Variants in MPZL2 observed in about 807,000 individuals in gnomAD.
MPZL2 encodes the protein myelin protein zero-like protein 2.
Under a neutral mutation model 24.5 loss-of-function variants are expected in MPZL2, and 32 were observed. The observed-to-expected ratio is 1.31, with a 90% CI of 0.99 to 1.76. The LOEUF is 1.76. Ranked by LOEUF, MPZL2 falls within the 40% of genes most tolerant of loss-of-function variation. The pLI is 0.00. For synonymous variants in MPZL2, 92 were observed against 97.9 expected (o/e 0.94, Z 0.36); for missense variants, 304 against 274.9 (o/e 1.11, Z -0.75).
In MPZL2 at chr11:118,262,991, C is replaced by T. The variant is rs1232492150; in HGVS notation, c.165G>A (p.Val55=). The change falls in exon 2 of 6, where the codon GTG becomes GTA. Residue 55 remains valine, a synonymous_variant. Coordinates refer to ENST00000278937, the MANE Select transcript of MPZL2 (RefSeq NM_005797.4). ...LKCTFSSFAP[V]GDALTVTWNF... is the part of the protein sequence containing the mutation. ...TCCAGGTCACTGTTAGAGCATCACC[C>T]ACAGGGGCAAAGCTGGAGAAAGTGC... The T allele has an allele frequency of 3.1e-6, 5 of 1,614,202 alleles. No homozygotes were observed.
In MPZL2 at chr11:118,264,244, C is replaced by G. The variant is rs1949723788; in HGVS notation, c.-91G>C. The G allele has an allele frequency of 7.9e-7, 1 of 1,260,736 alleles. No homozygotes were observed. The highest frequency in any genetic ancestry group is 1.2e-6 in the Non-Finnish European group (1 of 864,192). The allele number at this position is 1,260,736 out of a possible 1,614,324, so 78.1% of individuals were successfully genotyped here. Reference sequence around the variant, plus strand: ...AGGCCACTCCGGGAGGAGCAAGCACCGCGTTTTCCCAGAGAGAGGAGTTTG... The same window carrying G: ...AGGCCACTCCGGGAGGAGCAAGCACGGCGTTTTCCCAGAGAGAGGAGTTTG... On this transcript the variant is annotated 5_prime_UTR_variant, in exon 1 of 6. Coordinates refer to ENST00000278937, the MANE Select transcript of MPZL2 (RefSeq NM_005797.4).
rs910664401 is a variant in MPZL2, at chr11:118,254,446, A to G, written c.*800T>C. 6.6e-6 allele frequency: 1 copy of G among 152,068 alleles called. No individual in the cohort carries two copies. Among genetic ancestry groups the G allele is most frequent in the East Asian group, 1.9e-4 (1 of 5,196 alleles). The allele number at this position is 152,068 out of a possible 1,614,324, so 9.4% of individuals were successfully genotyped here. On this transcript the variant is annotated 3_prime_UTR_variant, in exon 6 of 6. Transcript: ENST00000278937. ...GTTATAGATCATTGAATTGGGGGGG[A>G]AACATAGTAAGCTAAACTATCCGTC...
At chr11:118,259,451 A>C (rs1949684074) in intron 4 of MPZL2, 1 of 152,296 alleles carries the variant, frequency 6.6e-6, no homozygotes, top group South Asian at 2.1e-4. Flanking sequence ...TGAAATGTCC[A>C]GAATAAGCAA....
At position 118,262,604 on chromosome 11, in the gene MPZL2, C is replaced by G; in HGVS notation, c.270G>C (p.Arg90=). 1 of 1,614,122 alleles carries G rather than the reference C, an allele frequency of 6.2e-7. No homozygotes were observed. Among genetic ancestry groups the G allele is most frequent in the Non-Finnish European group, 8.5e-7 (1 of 1,180,030 alleles). Residue 90 remains arginine (R), a synonymous_variant, in exon 3 of 6, where the codon CGG becomes CGC. Coordinates refer to ENST00000278937, the MANE Select transcript of MPZL2 (RefSeq NM_005797.4). ...CATCCCAAGACACCCGGTCCTTAAACCGCCCACTCATGGGTTGGAAGGGAT... is the reference window on the plus strand; with the variant it reads ...CATCCCAAGACACCCGGTCCTTAAAGCGCCCACTCATGGGTTGGAAGGGAT... ...HIDPFQPMSG[R]FKDRVSWDGN... is the part of the protein sequence containing the mutation.
At position 118,262,430 on chromosome 11, in the gene MPZL2, T is replaced by A; in HGVS notation, c.436+8A>T. 6.2e-7 allele frequency: 1 copy of A among 1,613,264 alleles called. No homozygotes were observed. Among genetic ancestry groups the A allele is most frequent in the Non-Finnish European group, 8.5e-7 (1 of 1,179,820 alleles). ...CTTTCCAAAACCACTGTTCCCTGCATAACCTACCAGTGTGCACGACGCTGA... is the reference window on the plus strand; with the variant it reads ...CTTTCCAAAACCACTGTTCCCTGCAAAACCTACCAGTGTGCACGACGCTGA... On this transcript the variant is annotated splice_region_variant and intron_variant, in intron 3 of 5. Transcript: ENST00000278937.
At chr11:118,261,504 A>G (rs1341482453) in intron 3 of MPZL2, among the ~76,000 whole-genome samples, 1 of 152,254 alleles carries the variant, frequency 6.6e-6, no homozygotes, top group East Asian at 1.9e-4. Flanking sequence ...GTACAAAATA[A>G]ACACTCAATG....
rs1949706408 is a variant in MPZL2 at position 118,262,467 on chromosome 11, C to G, written c.407G>C (p.Gly136Ala). 1 of 1,614,014 alleles carries G rather than the reference C, an allele frequency of 6.2e-7. No homozygotes were observed. Among genetic ancestry groups the G allele is most frequent in the Non-Finnish European group, 8.5e-7 (1 of 1,180,024 alleles). ...KNPPDVDGVI[G>A]EIRLSVVHTV... ...GTGCACGACGCTGAGCCGGATCTCCCCTATCACCCCATCAACATCAGGTGG... is the reference window on the plus strand; with the variant it reads ...GTGCACGACGCTGAGCCGGATCTCCGCTATCACCCCATCAACATCAGGTGG... The change falls in exon 3 of 6, where the codon GGG becomes GCG. Residue 136 changes from glycine to alanine, a missense_variant. By Grantham distance (60) the Gly-to-Ala change is moderately conservative. Coordinates refer to ENST00000278937, the MANE Select transcript of MPZL2 (RefSeq NM_005797.4).
In MPZL2 at chr11:118,257,277, G is replaced by C. The variant is rs756745140; in HGVS notation, c.621C>G (p.Val207=). ...EEERLNQEKK[V]SVYLEDTD is the part of the protein sequence containing the mutation. ...AGTCTGTGTCTTCTAAATAAACAGA[G>C]ACCTTTTTCTCTTGGTTGAGCCTTT... Residue 207 remains valine (V), a synonymous_variant, in exon 5 of 6, where the codon GTC becomes GTG. Transcript: ENST00000278937. 3 of 1,611,702 alleles carry C rather than the reference G, an allele frequency of 1.9e-6. No homozygotes were observed. The highest frequency in any genetic ancestry group is 1.3e-5 in the African/African-American group (1 of 74,850).
intron 4 of MPZL2, chr11:118,257,545 T>C (rs1209441479): frequency 7.9e-6 from 3 of 380,190 alleles, no homozygotes; most frequent in African/African-American, 6.2e-5. Flanking sequence ...TGGGTTCTGA[T>C]TCGGGAACTC....
In MPZL2 at chr11:118,264,279, C is replaced by T; in HGVS notation, c.-126G>A. 2.3e-6 allele frequency: 2 copies of T among 858,156 alleles called. No individual in the cohort carries two copies. Among genetic ancestry groups the T allele is most frequent in the South Asian group, 2.8e-5 (2 of 70,890 alleles). 53.2% of individuals were successfully genotyped at this position (858,156 alleles called of 1,614,324 possible). A position where few individuals can be genotyped will look rare whatever the true frequency, so the allele number is the denominator to read the frequency against. ...CAGAGAGAGGAGTTTGAGTTGAGTT[C>T]CTCACCTGTGCCTGTGACTCAGCCC... On this transcript the variant is annotated 5_prime_UTR_variant, in exon 1 of 6. Transcript: ENST00000278937.
chr11:118,259,417 A>G (rs1565500100), intron 4 of MPZL2: 2 of 152,254 alleles, frequency 1.3e-5, no homozygotes, highest in African/African-American at 2.4e-5. Flanking sequence ...ATAAAAGACC[A>G]CATATTGTAT....
At chr11:118,257,894 C>A (rs1949672249) in intron 4 of MPZL2, among the ~76,000 whole-genome samples, 1 of 152,018 alleles carries the variant, frequency 6.6e-6, no homozygotes, top group African/African-American at 2.4e-5. Flanking sequence ...CCTGTAATCC[C>A]AGCTACTTGG....
chr11:118,254,448 A>G lies in MPZL2; in HGVS notation c.*798T>C, dbSNP rs567333930. On this transcript the variant is annotated 3_prime_UTR_variant, in exon 6 of 6. Coordinates refer to ENST00000278937, the MANE Select transcript of MPZL2 (RefSeq NM_005797.4). ...TATAGATCATTGAATTGGGGGGGAA[A>G]CATAGTAAGCTAAACTATCCGTCAC... The G allele has an allele frequency of 3.2e-4, 48 of 152,314 alleles. No individual in the cohort carries two copies. Among genetic ancestry groups the G allele is most frequent in the African/African-American group, 1.2e-3 (48 of 41,566 alleles). The allele number at this position is 152,314 out of a possible 1,614,324, so 9.4% of individuals were successfully genotyped here. A position where few individuals can be genotyped will look rare whatever the true frequency, so the allele number is the denominator to read the frequency against.
Position 118,262,544 on chromosome 11 carries a change from G to A in MPZL2, c.330C>T (p.Leu110=), listed in dbSNP as rs199936220. 3.2e-5 allele frequency: 51 copies of A among 1,614,074 alleles called. No homozygotes were observed. Among genetic ancestry groups the A allele is most frequent in the Non-Finnish European group, 4.3e-5 (51 of 1,180,032 alleles). ...NPERYDASIL[L]WKLQFDDNGT... ...CATTGTCGTCGAACTGCAGTTTCCAGAGAAGGATGGAGGCATCGTACCGCT... is the reference window on the plus strand; with the variant it reads ...CATTGTCGTCGAACTGCAGTTTCCAAAGAAGGATGGAGGCATCGTACCGCT... Residue 110 remains leucine, a synonymous_variant, in exon 3 of 6, where the codon CTC becomes CTT. Transcript: ENST00000278937.
Position 118,253,742 on chromosome 11 carries a change from G to A in MPZL2, c.*1504C>T, listed in dbSNP as rs1014722897. The A allele has an allele frequency of 1.7e-4, 26 of 152,346 alleles. No individual in the cohort carries two copies. Among genetic ancestry groups the A allele is most frequent in the Non-Finnish European group, 2.9e-4 (20 of 68,000 alleles). 9.4% of individuals were successfully genotyped at this position (152,346 alleles called of 1,614,324 possible). A position where few individuals can be genotyped will look rare whatever the true frequency, so the allele number is the denominator to read the frequency against. ...ATTAAAGGATATATAGCCTTCAGAT[G>A]TAATTTACAGTTTTAAAATTGCACT... On this transcript the variant is annotated 3_prime_UTR_variant, in exon 6 of 6. Transcript: ENST00000278937.
intron 3 of MPZL2, among the ~76,000 whole-genome samples, chr11:118,261,875 C>G (rs933084255): frequency 4.6e-5 from 7 of 152,132 alleles, no homozygotes; most frequent in African/African-American, 1.7e-4. Flanking sequence ...CTGTGAGCCT[C>G]GTTTCCTCAT....
At chr11:118,260,429 T>A (rs1219357473) in intron 3 of MPZL2, among the ~76,000 whole-genome samples, 1 of 152,162 alleles carries the variant, frequency 6.6e-6, no homozygotes, top group East Asian at 1.9e-4. Context: ...ACAATATCAC[T>A]TGAGAACATG....
At chr11:118,263,215 G>T in intron 1 of MPZL2, 118 bp from the exon 2 acceptor site, 1 of 1,081,318 alleles carries the variant, frequency 9.2e-7, no homozygotes, top group Non-Finnish European at 1.3e-6. Context: ...AAACTGAGAT[G>T]CCCCATCTCC....
In MPZL2 at chr11:118,262,624, A is replaced by C. The variant is rs1343186268; in HGVS notation, c.250T>G (p.Phe84Val). Residue 84 changes from phenylalanine to valine, a missense_variant, in exon 3 of 6, where the codon TTC becomes GTC. Physicochemically the swap from Phe to Val is conservative, Grantham distance 50 (BLOSUM62 -1). Coordinates refer to ENST00000278937, the MANE Select transcript of MPZL2 (RefSeq NM_005797.4). Reference sequence around the variant, plus strand: ...TTAAACCGCCCACTCATGGGTTGGAAGGGATCTATGTGGTAGTAGAATACC... The same window carrying C: ...TTAAACCGCCCACTCATGGGTTGGACGGGATCTATGTGGTAGTAGAATACC... Reference protein sequence around the residue: ...QFVFYYHIDPFQPMSGRFKDR... With the variant: ...QFVFYYHIDPVQPMSGRFKDR... 6.2e-7 allele frequency: 1 copy of C among 1,613,982 alleles called. No homozygotes were observed. The highest frequency in any genetic ancestry group is 1.1e-5 in the South Asian group (1 of 91,066).
Sources: gnomAD v4.1 joint callset for allele counts (sites outside exome capture counted in the v4.1 genomes callset) on GRCh38, gnomAD v4.1.1 for gene constraint, MANE v1.5 for transcripts, NCBI Gene and HGNC (gene_info 2026-07-23, HGNC 2026-07-21) for gene names.